The following ZNF695 variants were observed in gnomAD, a reference collection of about 807,000 sequenced individuals.
ZNF695 encodes zinc finger protein SBZF3.
A neutral mutation model predicts 11.2 loss-of-function variants in ZNF695; 11 were observed. The observed-to-expected ratio is 0.98, with a 90% CI of 0.62 to 1.62. The LOEUF (loss-of-function observed/expected upper bound fraction) is 1.62. Among genes scored for constraint, ZNF695 ranks in the 40% most tolerant of loss-of-function variants. ZNF695 has a pLI of 0.00. For missense variants in ZNF695, 559 were observed against 590.5 expected, an observed-to-expected ratio of 0.95 and a Z score of 0.55; for synonymous variants, 190 against 201.4, an observed-to-expected ratio of 0.94 and a Z score of 0.48.
intron 5 of ZNF695, among the ~76,000 whole-genome samples, chr1:246,961,152 T>C (rs1290290124): frequency 6.6e-6 from 1 of 152,196 alleles, no homozygotes; most frequent in Non-Finnish European, 1.5e-5. Context: ...TAACATCAAA[T>C]AATGCATATG....
At position 246,987,617 on chromosome 1, in the gene ZNF695, C is replaced by G; in HGVS notation, c.898G>C (p.Glu300Gln). 6.2e-7 allele frequency: 1 copy of G among 1,603,558 alleles called. No homozygotes were observed. Among genetic ancestry groups the G allele is most frequent in the Non-Finnish European group, 8.5e-7 (1 of 1,176,170 alleles). ...AACAACTTAAAGGATTTGCCACATTCTTCACATTTGTATGGTTTCTCTCCA... is the reference window on the plus strand; with the variant it reads ...AACAACTTAAAGGATTTGCCACATTGTTCACATTTGTATGGTTTCTCTCCA... ...HTGEKPYKCE[E>Q]CGKSFKLFPY... The change falls in exon 4 of 4, where the codon GAA becomes CAA. Residue 300 changes from glutamate to glutamine, a missense_variant. Coordinates refer to ENST00000339986, the MANE Select transcript of ZNF695 (RefSeq NM_020394.5).
intron 2 of ZNF695, 127 bp from the exon 3 acceptor site, chr1:246,999,567 G>A: frequency 2.8e-6 from 2 of 726,626 alleles, no homozygotes; most frequent in Non-Finnish European, 4.4e-6. Context: ...ACTGTTTTCT[G>A]ACAGAACCTT....
At chr1:246,997,827 C>T (rs1385348027) in intron 3 of ZNF695, among the ~76,000 whole-genome samples, 3 of 152,172 alleles carry the variant, frequency 2.0e-5, no homozygotes, top group African/African-American at 7.2e-5. Flanking sequence ...CTGTTCTTCT[C>T]ACTCATATGA....
At chr1:246,957,834 A>G (rs1229049310) in intron 5 of ZNF695, among the ~76,000 whole-genome samples, 1 of 151,066 alleles carries the variant, frequency 6.6e-6, no homozygotes, top group Non-Finnish European at 1.5e-5. Flanking sequence ...AGGTTTTGCC[A>G]TGTTGCCCAG....
At chr1:246,965,356 CAA>C (rs576946423) in intron 5 of ZNF695, among the ~76,000 whole-genome samples, 25 of 67,426 alleles carry the variant, frequency 3.7e-4, no homozygotes, top group Admixed American at 3.6e-4. Context: ...GACTCTGTCT[CAA>C]AAAAAAAAAA....
At chr1:246,991,950 CT>C (rs1669049186) in intron 3 of ZNF695, among the ~76,000 whole-genome samples, 1 of 152,058 alleles carries the variant, frequency 6.6e-6, no homozygotes, top group East Asian at 1.9e-4. Flanking sequence ...AATCCCAGCA[CT>C]TTGGGAGGCC....
intron 1 of ZNF695, among the ~76,000 whole-genome samples, chr1:247,003,883 G>C (rs1669460136): frequency 6.6e-6 from 1 of 152,164 alleles, no homozygotes; most frequent in African/African-American, 2.4e-5. Context: ...CTAAAAATGT[G>C]TATTCATAAA....
chr1:246,977,505 G>GATT (rs2103016575), intron 4 of ZNF695, among the ~76,000 whole-genome samples: 1 of 152,310 alleles, frequency 6.6e-6, no homozygotes, highest in South Asian at 2.1e-4. Context: ...ACCCGCCTCA[G>GATT]CCTCCAAAAG....
chr1:246,982,402 G>A (rs1668733960), downstream of ZNF695, among the ~76,000 whole-genome samples: 1 of 151,792 alleles, frequency 6.6e-6, no homozygotes, highest in Non-Finnish European at 1.5e-5. Context: ...GTGTTTCATA[G>A]AAAATTAAAT....
At chr1:246,968,422 T>C (rs187514634) in intron 4 of ZNF695, 1 of 152,476 alleles carries the variant, frequency 6.6e-6, no homozygotes, top group Non-Finnish European at 1.5e-5. Flanking sequence ...CTGCAGGGCT[T>C]AGTGCCCCAT....
rs945005438 is a variant in ZNF695, at chr1:246,988,873, G to A, written c.260-618C>T. On this transcript the variant is annotated intron_variant, in intron 3 of 3. Coordinates refer to ENST00000339986, the MANE Select transcript of ZNF695 (RefSeq NM_020394.5). ...TGGGAGGCCGAGACGGGCGGATCAC[G>A]AGGTCAGGAGATCGAGACCGTCCTG... 7.9e-5 allele frequency among the ~76,000 whole-genome samples: 12 copies of A among 151,948 alleles called. No homozygotes were observed. The South Asian group carries it at 1.2e-3, about 16-fold the overall frequency.
chr1:246,976,725 C>T (rs1340329374), intron 4 of ZNF695, among the ~76,000 whole-genome samples: 2 of 152,066 alleles, frequency 1.3e-5, no homozygotes, highest in South Asian at 2.1e-4. Context: ...ACCCGGGAGG[C>T]AGAGCTTGCA....
intron 4 of ZNF695, among the ~76,000 whole-genome samples, chr1:246,978,973 G>GTT (rs1370170396): frequency 5.3e-5 from 8 of 152,218 alleles, no homozygotes; most frequent in African/African-American, 1.9e-4. Context: ...CTCTAGTCTT[G>GTT]TTTATCCAAG....
downstream of ZNF695, chr1:246,985,289 T>C (rs899053075): frequency 3.0e-6 from 3 of 984,226 alleles, no homozygotes; most frequent in African/African-American, 3.5e-5. Flanking sequence ...TAAAATTTTG[T>C]GAATAGTCCT....
chr1:246,958,049 G>GTTTTGT (rs905730490), intron 5 of ZNF695, among the ~76,000 whole-genome samples: 6 of 150,522 alleles, frequency 4.0e-5, no homozygotes, highest in Non-Finnish European at 7.4e-5. Flanking sequence ...GTTTTGTTTT[G>GTTTTGT]TTTTGTTTTT....
Position 246,963,761 on chromosome 1 carries a change from C to T in ZNF695, c.488+3934G>A, listed in dbSNP as rs146448121. On this transcript the variant is annotated intron_variant, in intron 5 of 5. Transcript: ENST00000487338. ...GTTTTCCCCACACCGACCAATTCTC[C>T]AACACCAGCTGGGTGATCTACAATT... Among the ~76,000 whole-genome samples the T allele has an allele frequency of 6.1e-3, 929 of 152,312 alleles. 31 individuals are homozygous for T. In the South Asian group the frequency reaches 0.1, roughly 17 times the overall value.
At position 247,000,084 on chromosome 1, in the gene ZNF695, A is replaced by G; in HGVS notation, c.4-10T>C. The G allele has an allele frequency of 6.3e-7, 1 of 1,596,934 alleles. No homozygotes were observed. The highest frequency in any genetic ancestry group is 8.5e-7 in the Non-Finnish European group (1 of 1,174,128). ...TGAATGCCAATAGTCCCTGAAAAAG[A>G]AAACATATTTACCAAGTGGTCACGG... On this transcript the variant is annotated splice_polypyrimidine_tract_variant and intron_variant, in intron 1 of 3. Coordinates refer to ENST00000339986, the MANE Select transcript of ZNF695 (RefSeq NM_020394.5).
chr1:246,978,482 T>C (rs1484004986), intron 4 of ZNF695, among the ~76,000 whole-genome samples: 1 of 152,124 alleles, frequency 6.6e-6, no homozygotes, highest in African/African-American at 2.4e-5. Context: ...ATGCAACACA[T>C]AAAAGCAAGT....
At chr1:246,957,809 A>AT (rs1285731787) in intron 5 of ZNF695, among the ~76,000 whole-genome samples, 1 of 151,500 alleles carries the variant, frequency 6.6e-6, no homozygotes, top group Non-Finnish European at 1.5e-5. Context: ...AATTTTTTGT[A>AT]TTTTTAGTGG....
Sources: gnomAD v4.1 joint callset for allele counts (sites outside exome capture counted in the v4.1 genomes callset) on GRCh38, gnomAD v4.1.1 for gene constraint, MANE v1.5 for transcripts, NCBI Gene and HGNC (gene_info 2026-07-23, HGNC 2026-07-21) for gene names.